The following TPCN2 variants were observed in gnomAD, a reference collection of about 807,000 sequenced individuals.
TPCN2 encodes two pore segment channel 2.
Under a neutral mutation model 111.4 loss-of-function variants are expected in TPCN2, and 92 were observed. The observed-to-expected ratio is 0.83, with a 90% confidence interval of 0.70 to 0.98. TPCN2 has a LOEUF of 0.98. TPCN2 is among the 50% of genes least tolerant of loss of function. The pLI is 0.00. For missense variants in TPCN2, 995 were observed against 980.1 expected (o/e 1.02, Z -0.20); for synonymous variants, 405 against 414.5 (o/e 0.98, Z 0.28).
chr11:69,076,997 C>T (rs185272755), intron 13 of TPCN2, among the ~76,000 whole-genome samples: 24 of 75,632 alleles, frequency 3.2e-4, no homozygotes, highest in South Asian at 9.6e-4. Flanking sequence ...ACCTGCCCTC[C>T]TGCCACGTCC....
chr11:69,061,572 G>A (rs888197754), intron 5 of TPCN2, among the ~76,000 whole-genome samples: 1 of 152,156 alleles, frequency 6.6e-6, no homozygotes, highest in Admixed American at 6.5e-5. Context: ...CAGGCGGATC[G>A]GGCAGTGCGG....
intron 22 of TPCN2, among the ~76,000 whole-genome samples, chr11:69,086,166 G>A (rs1856264184): frequency 6.6e-6 from 1 of 152,218 alleles, no homozygotes; most frequent in African/African-American, 2.4e-5. Context: ...CCTCCTGGAG[G>A]TCGTTGGTGT....
intron 1 of TPCN2, among the ~76,000 whole-genome samples, chr11:69,051,035 C>G (rs944684403): frequency 6.6e-6 from 1 of 152,264 alleles, no homozygotes; most frequent in Non-Finnish European, 1.5e-5. Flanking sequence ...GCCATGGAGA[C>G]TCCGAAAGGC....
In TPCN2 at chr11:69,057,438, C is replaced by G. The variant is rs569574391; in HGVS notation, c.430-140C>G. On this transcript the variant is annotated intron_variant, in intron 4 of 24. Transcript: ENST00000294309. ...GAGCTCGGGCCTCCTGACTGCTGCT[C>G]TGCGTCCCGTGGGGACCACACTGTT... is the stretch of plus-strand genomic sequence containing the variant. 54 of 784,872 alleles carry G rather than the reference C, an allele frequency of 6.9e-5. 1 individual carries two copies. In the African/African-American group the frequency reaches 8.1e-4, roughly 12 times the overall value. 48.6% of individuals were successfully genotyped at this position (784,872 alleles called of 1,614,324 possible). A position where few individuals can be genotyped will look rare whatever the true frequency, so the allele number is the denominator to read the frequency against.
At position 69,073,834 on chromosome 11, in the gene TPCN2, G is replaced by A. The variant is rs190030777; in HGVS notation, c.1230+833G>A. ...CACCTGAGGCCTCTCTCCGTGGCTT[G>A]TAGATGCCAGCCTCTCCCTGTGTCC... On this transcript the variant is annotated intron_variant, in intron 13 of 24. Coordinates refer to ENST00000294309, the MANE Select transcript of TPCN2 (RefSeq NM_139075.4). Among the ~76,000 whole-genome samples, 23 of 151,550 alleles carry A rather than the reference G, an allele frequency of 1.5e-4. No individual in the cohort carries two copies. In the East Asian group the frequency reaches 4.1e-3, roughly 27 times the overall value.
At chr11:69,056,211 C>G (rs931070472) in intron 4 of TPCN2, among the ~76,000 whole-genome samples, 1 of 152,348 alleles carries the variant, frequency 6.6e-6, no homozygotes, top group Non-Finnish European at 1.5e-5. Context: ...CTTGGCTGGG[C>G]CTTGGGCTCA....
intron 1 of TPCN2, among the ~76,000 whole-genome samples, chr11:69,053,253 G>T (rs1861314238): frequency 6.6e-6 from 1 of 152,232 alleles, no homozygotes. Context: ...AAGGCGGGCG[G>T]CCACCCTTCA....
At position 69,054,400 on chromosome 11, in the gene TPCN2, G is replaced by C. The variant is rs931600723; in HGVS notation, c.174+303G>C. ...TGACACAGCTGCACGGGGCGTGGGA[G>C]GGTCAGCCTTGCACAGAGAAGAGAG... On this transcript the variant is annotated intron_variant, in intron 2 of 24. Transcript: ENST00000294309. 5 of 565,722 alleles carry C rather than the reference G, an allele frequency of 8.8e-6. No homozygotes were observed. The South Asian group carries it at 1.0e-4, about 12-fold the overall frequency. 35.0% of individuals were successfully genotyped at this position (565,722 alleles called of 1,614,324 possible). A position where few individuals can be genotyped will look rare whatever the true frequency, so the allele number is the denominator to read the frequency against.
Position 69,082,775 on chromosome 11 carries a change from G to A in TPCN2, c.1690-1170G>A, listed in dbSNP as rs12287061. On this transcript the variant is annotated intron_variant, in intron 18 of 24. Coordinates refer to ENST00000294309, the MANE Select transcript of TPCN2 (RefSeq NM_139075.4). Reference sequence around the variant, plus strand: ...GCATGATCGTGTGTGCACACATCGCGTGCAGATATCCATGTGAACTCGTGC... The same window carrying A: ...GCATGATCGTGTGTGCACACATCGCATGCAGATATCCATGTGAACTCGTGC... Among the ~76,000 whole-genome samples, 40 of 38,522 alleles carry A rather than the reference G, an allele frequency of 1.0e-3. 1 individual carries two copies. Among genetic ancestry groups the A allele is most frequent in the Admixed American group, 2.7e-3 (11 of 4,080 alleles). The allele number at this position is 38,522 out of a possible 152,430, so 25.3% of individuals were successfully genotyped here.
At chr11:69,062,794 G>A (rs1855081476) in intron 5 of TPCN2, 90 bp from the exon 6 acceptor site, 2 of 1,244,208 alleles carry the variant, frequency 1.6e-6, no homozygotes, top group East Asian at 4.7e-5. Flanking sequence ...AGGGCACTGG[G>A]GTCTCTGAAC....
Position 69,062,973 on chromosome 11 carries a change from G to A in TPCN2, c.636G>A (p.Ser212=), listed in dbSNP as rs558399980. The A allele has an allele frequency of 2.5e-6, 4 of 1,613,898 alleles. No individual in the cohort carries two copies. The highest frequency in any genetic ancestry group is 2.2e-5 in the East Asian group (1 of 44,848). The stretch of plus-strand genomic sequence containing the variant: ...AGACCTTGAAATGCATCCGCTGGTC[G>A]CTGCCGGAAATGGCCAGGTGGGCTC... ...MKKTLKCIRW[S]LPEMASVGLL... Residue 212 remains serine (S), a synonymous_variant, in exon 6 of 25, where the codon TCG becomes TCA. Coordinates refer to ENST00000294309, the MANE Select transcript of TPCN2 (RefSeq NM_139075.4).
chr11:69,063,789 G>C, intron 6 of TPCN2, 106 bp from the exon 7 acceptor site: 2 of 1,060,094 alleles, frequency 1.9e-6, no homozygotes, highest in Non-Finnish European at 1.4e-6. Context: ...ATCCACCCCA[G>C]CTGCTGCAGA....
At chr11:69,071,277 T>C (rs1855524344) in intron 9 of TPCN2, 79 bp from the exon 10 acceptor site, 2 of 1,152,702 alleles carry the variant, frequency 1.7e-6, no homozygotes, top group East Asian at 4.8e-5. Flanking sequence ...GGCGCTGTGC[T>C]ATCCTGTGCC....
rs780628116 is a variant in TPCN2 at position 69,054,745 on chromosome 11, G to C, written c.199G>C (p.Asp67His). 31 of 1,614,074 alleles carry C rather than the reference G, an allele frequency of 1.9e-5. No individual in the cohort carries two copies. In the African/African-American group the frequency reaches 3.6e-4, roughly 19 times the overall value. The change falls in exon 3 of 25, where the codon GAT becomes CAT. Residue 67 changes from aspartate (D) to histidine (H), a missense_variant. Physicochemically the swap from Asp to His is moderately conservative, Grantham distance 81. Transcript: ENST00000294309. ...IQYRSINHRVDASSMWLYRRY... is the reference protein window; with the variant it reads ...IQYRSINHRVHASSMWLYRRY... ...GTACCGCTCCATCAACCACCGGGTG[G>C]ATGCCAGCTCGATGTGGCTTTACCG...
chr11:69,071,645 G>C (rs112550476), intron 10 of TPCN2, among the ~76,000 whole-genome samples: 3 of 152,230 alleles, frequency 2.0e-5, no homozygotes, highest in African/African-American at 7.2e-5. Context: ...ACCCTCTTGA[G>C]GGGGAGCTGG....
At chr11:69,085,568 C>T in intron 20 of TPCN2, 103 bp from the exon 21 acceptor site, 2 of 851,572 alleles carry the variant, frequency 2.3e-6, no homozygotes, top group Admixed American at 1.8e-5. Flanking sequence ...CAATTTGTAC[C>T]TTCAGGCCAG....
chr11:69,074,630 A>C (rs10896417), intron 13 of TPCN2, among the ~76,000 whole-genome samples: 66,182 of 151,920 alleles, frequency 0.44, 14,840 homozygotes, highest in Non-Finnish European at 0.5. Context: ...GATCCGGCCC[A>C]TGTTTAACCC....
At chr11:69,081,313 C>T (rs1485572772) in intron 17 of TPCN2, 87 bp from the exon 18 acceptor site, 28 of 863,582 alleles carry the variant, frequency 3.2e-5, no homozygotes, top group Middle Eastern at 3.3e-4. Context: ...CTCCCTGCGC[C>T]TCCGTCCAGG....
Position 69,084,122 on chromosome 11 carries a change from G to A in TPCN2, c.1761+106G>A, listed in dbSNP as rs368825922. The A allele has an allele frequency of 8.2e-6, 10 of 1,220,590 alleles. No homozygotes were observed. In the South Asian group the frequency reaches 1.2e-4, roughly 15 times the overall value. The allele number at this position is 1,220,590 out of a possible 1,614,324, so 75.6% of individuals were successfully genotyped here. A position where few individuals can be genotyped will look rare whatever the true frequency, so the allele number is the denominator to read the frequency against. Reference sequence around the variant, plus strand: ...GGCTCACTGCTCTGTCGGTAGGAAGGTTCTTGGGTTCGGACGGCAGCAGGT... The same window carrying A: ...GGCTCACTGCTCTGTCGGTAGGAAGATTCTTGGGTTCGGACGGCAGCAGGT... On this transcript the variant is annotated intron_variant, in intron 19 of 24. Coordinates refer to ENST00000294309, the MANE Select transcript of TPCN2 (RefSeq NM_139075.4).
Sources: allele counts gnomAD v4.1 joint callset (sites outside exome capture counted in the v4.1 genomes callset), GRCh38; gene constraint gnomAD v4.1.1; transcripts MANE v1.5; gene names NCBI Gene and HGNC (gene_info 2026-07-23, HGNC 2026-07-21).